The following ELL2 variants were observed in gnomAD, a reference collection of about 807,000 sequenced individuals.
ELL2 encodes RNA polymerase II elongation factor ELL2.
A neutral mutation model predicts 72.8 loss-of-function variants in ELL2; 21 were observed. The ratio of observed to expected loss-of-function variants is 0.29; its 90% CI spans 0.20 to 0.42. The LOEUF is 0.42. ELL2 is among the 10% of genes least tolerant of loss of function. ELL2 has a pLI of 1.00. For synonymous variants in ELL2, 266 were observed against 283.2 expected, an observed-to-expected ratio of 0.94 and a Z score of 0.61; for missense variants, 568 against 772.8, an observed-to-expected ratio of 0.73 and a Z score of 3.14.
intron 9 of ELL2, among the ~76,000 whole-genome samples, chr5:95,894,703 C>A (rs572771398): frequency 2.0e-5 from 3 of 152,338 alleles, no homozygotes; most frequent in African/African-American, 7.2e-5. Flanking sequence ...CATACTGTAT[C>A]ATTCCCCAAT....
At chr5:95,945,207 C>T (rs1751110779) in intron 1 of ELL2, among the ~76,000 whole-genome samples, 1 of 152,172 alleles carries the variant, frequency 6.6e-6, no homozygotes, top group Non-Finnish European at 1.5e-5. Context: ...TCCCCCATCC[C>T]CAGCCTTCCC....
chr5:95,927,734 T>C (rs565551604), intron 2 of ELL2, among the ~76,000 whole-genome samples: 5 of 60,106 alleles, frequency 8.3e-5, no homozygotes, highest in South Asian at 6.8e-4. Flanking sequence ...TATATAGACA[T>C]ACACACACAC....
chr5:95,913,064 G>A (rs1221923654), intron 4 of ELL2, among the ~76,000 whole-genome samples: 1 of 126,804 alleles, frequency 7.9e-6, no homozygotes, highest in Non-Finnish European at 1.6e-5. Flanking sequence ...ACTCCTTAAA[G>A]TTGTTAAGGT....
chr5:95,950,712 G>C (rs1421604487), intron 1 of ELL2, among the ~76,000 whole-genome samples: 2 of 151,308 alleles, frequency 1.3e-5, no homozygotes, highest in Non-Finnish European at 3.0e-5. Flanking sequence ...GGAAGAACCA[G>C]ATTAAAGAAC....
intron 3 of ELL2, among the ~76,000 whole-genome samples, chr5:95,918,928 G>A (rs1749939247): frequency 6.7e-6 from 1 of 149,504 alleles, no homozygotes; most frequent in Admixed American, 6.7e-5. Flanking sequence ...GCTTTACTGG[G>A]TTAATTTCTA....
chr5:95,898,246 T>C lies in ELL2; in HGVS notation c.1519A>G (p.Ser507Gly). ...AKLNNSSPNS[S>G]GGVKEDCTAS... ...TCATCTAAAGGTAAAATACCTCCAC[T>C]GGAATTTGGACTGGAGTTATTTAGC... The change falls in exon 8 of 12, where the codon AGT becomes GGT. Residue 507 changes from serine to glycine, a missense_variant. Ser to Gly is a moderately conservative substitution (Grantham distance 56). Coordinates refer to ENST00000237853, the MANE Select transcript of ELL2 (RefSeq NM_012081.6). 1.6e-5 allele frequency: 26 copies of C among 1,598,372 alleles called. No individual in the cohort carries two copies. Among genetic ancestry groups the C allele is most frequent in the Non-Finnish European group, 2.1e-5 (25 of 1,174,890 alleles).
chr5:95,938,758 T>A (rs1012708867), intron 2 of ELL2, among the ~76,000 whole-genome samples: 2 of 152,198 alleles, frequency 1.3e-5, no homozygotes, highest in Non-Finnish European at 2.9e-5. Flanking sequence ...AATTATGTTA[T>A]GTAAAACTAT....
At chr5:95,955,958 T>C (rs1751614583) in intron 1 of ELL2, among the ~76,000 whole-genome samples, 1 of 152,078 alleles carries the variant, frequency 6.6e-6, no homozygotes, top group Non-Finnish European at 1.5e-5. Context: ...GCTGAAATTC[T>C]CATTTTCCTC....
At chr5:95,938,297 C>T (rs1750851343) in intron 2 of ELL2, among the ~76,000 whole-genome samples, 2 of 152,172 alleles carry the variant, frequency 1.3e-5, no homozygotes, top group Admixed American at 1.3e-4. Flanking sequence ...ACATTTAGAA[C>T]TTGTTTGGCT....
rs1748506263 is a variant in ELL2 at position 95,887,571 on chromosome 5, A to C, written c.*1300T>G. On this transcript the variant is annotated 3_prime_UTR_variant, in exon 12 of 12. Coordinates refer to ENST00000237853, the MANE Select transcript of ELL2 (RefSeq NM_012081.6). Reference sequence around the variant, plus strand: ...TTAATTCAAAATCCTTATATTTTTGACCACATAACTTATGTTCCCACATGA... The same window carrying C: ...TTAATTCAAAATCCTTATATTTTTGCCCACATAACTTATGTTCCCACATGA... 1 of 152,646 alleles carries C rather than the reference A, an allele frequency of 6.6e-6. No homozygotes were observed. The highest frequency in any genetic ancestry group is 1.5e-5 in the Non-Finnish European group (1 of 68,020). The allele number at this position is 152,646 out of a possible 1,614,324, so 9.5% of individuals were successfully genotyped here.
At chr5:95,938,535 G>A (rs911947363) in intron 2 of ELL2, among the ~76,000 whole-genome samples, 17 of 152,180 alleles carry the variant, frequency 1.1e-4, no homozygotes, top group South Asian at 6.2e-4. Context: ...GCCAGCCTGG[G>A]CAACACAGTG....
chr5:95,901,298 G>C (rs926585190), intron 5 of ELL2, among the ~76,000 whole-genome samples: 2 of 151,938 alleles, frequency 1.3e-5, no homozygotes, highest in Non-Finnish European at 2.9e-5. Context: ...TTCCCAGAAT[G>C]GCCATTGCAT....
intron 3 of ELL2, among the ~76,000 whole-genome samples, chr5:95,915,662 T>G (rs1749764706): frequency 6.6e-6 from 1 of 152,064 alleles, no homozygotes. Flanking sequence ...CCCAGAAAGG[T>G]AATCTCACCT....
At chr5:95,947,206 A>G (rs1751191735) in intron 1 of ELL2, among the ~76,000 whole-genome samples, 1 of 152,212 alleles carries the variant, frequency 6.6e-6, no homozygotes, top group South Asian at 2.1e-4. Flanking sequence ...CTAAAAAAAA[A>G]AAGTATTGTA....
At chr5:95,894,825 T>C (rs1330718446) in intron 9 of ELL2, among the ~76,000 whole-genome samples, 2 of 152,202 alleles carry the variant, frequency 1.3e-5, no homozygotes, top group Admixed American at 1.3e-4. Flanking sequence ...TTGTCCACCA[T>C]GAGATGCTAC....
chr5:95,903,234 T>TTCC (rs1554075435), intron 5 of ELL2, among the ~76,000 whole-genome samples: 1 of 109,446 alleles, frequency 9.1e-6, no homozygotes, highest in African/African-American at 4.2e-5. Context: ...TTTTTTTTTT[T>TTCC]CCGAGACAGA....
intron 2 of ELL2, among the ~76,000 whole-genome samples, chr5:95,920,907 T>C (rs1417262173): frequency 7.8e-6 from 1 of 127,818 alleles, no homozygotes; most frequent in African/African-American, 3.7e-5. Context: ...CTTTCCATTA[T>C]AAGATGAAGA....
intron 3 of ELL2, among the ~76,000 whole-genome samples, 186 bp from the exon 4 acceptor site, chr5:95,914,120 A>C (rs1286929368): frequency 7.1e-6 from 1 of 141,402 alleles, no homozygotes; most frequent in Non-Finnish European, 1.6e-5. Context: ...TTTTTTTCAT[A>C]TTCTTTATAT....
At chr5:95,907,849 G>C (rs1749435737) in intron 4 of ELL2, among the ~76,000 whole-genome samples, 1 of 152,240 alleles carries the variant, frequency 6.6e-6, no homozygotes, top group Non-Finnish European at 1.5e-5. Context: ...GTGGGTAAAA[G>C]CAGCTCCTAT....
Sources: allele counts gnomAD v4.1 joint callset (sites outside exome capture counted in the v4.1 genomes callset), GRCh38; gene constraint gnomAD v4.1.1; transcripts MANE v1.5; gene names NCBI Gene and HGNC (gene_info 2026-07-23, HGNC 2026-07-21).